ZSCAN20: variants seen among roughly 807,000 people sequenced by gnomAD.
ZSCAN20 encodes the protein zinc finger and SCAN domain-containing protein 20.
ZSCAN20 carries 39 observed loss-of-function variants against 97.1 expected under a neutral mutation model. The ratio of observed to expected loss-of-function variants is 0.40; its 90% CI spans 0.31 to 0.52. The LOEUF (loss-of-function observed/expected upper bound fraction) is 0.52, where lower values mean the gene tolerates loss of function less well. Ranked by LOEUF, ZSCAN20 falls within the 20% of genes least tolerant of loss-of-function variation. The pLI, the probability that ZSCAN20 is intolerant of heterozygous loss-of-function variation, is 0.49. For synonymous variants in ZSCAN20, 456 were observed against 467.3 expected, an observed-to-expected ratio of 0.98 and a Z score of 0.31; for missense variants, 1,115 against 1,290.4, an observed-to-expected ratio of 0.86 and a Z score of 2.08.
At chr1:33,482,853 T>C (rs1028621784) in intron 2 of ZSCAN20, among the ~76,000 whole-genome samples, 1 of 152,258 alleles carries the variant, frequency 6.6e-6, no homozygotes, top group Non-Finnish European at 1.5e-5. Flanking sequence ...ACTTGCCATC[T>C]GTATATTTTC....
Position 33,493,378 on chromosome 1 carries a change from A to G in ZSCAN20, c.1636A>G (p.Ser546Gly). 1.2e-6 allele frequency: 2 copies of G among 1,614,186 alleles called. No individual in the cohort carries two copies. The highest frequency in any genetic ancestry group is 8.5e-7 in the Non-Finnish European group (1 of 1,180,024). Residue 546 changes from serine to glycine, a missense_variant, in exon 7 of 8, where the codon AGC becomes GGC. Coordinates refer to ENST00000684572, the MANE Select transcript of ZSCAN20 (RefSeq NM_001377376.1). This position sits in a 1 kb window ranked among gnomAD's most constrained non-coding sequence, Gnocchi z 4.3. ...CRYRFKNLLR[S>G]YRKAKSSHPP... is the part of the protein sequence containing the mutation. The stretch of plus-strand genomic sequence containing the variant: ...CTACAGATTCAAAAACCTCCTTCGA[A>G]GCTACCGGAAAGCCAAGAGCAGCCA...
chr1:33,475,341 T>G (rs78680268), intron 1 of ZSCAN20, among the ~76,000 whole-genome samples: 2,404 of 152,334 alleles, frequency 0.016, 52 homozygotes, highest in East Asian at 0.073. Context: ...AAAATCACTT[T>G]AGCCAAAAAT....
In ZSCAN20 at chr1:33,493,093, T is replaced by C; in HGVS notation, c.1445-94T>C. The C allele has an allele frequency of 7.8e-7, 1 of 1,280,906 alleles. No individual in the cohort carries two copies. The highest frequency in any genetic ancestry group is 1.1e-6 in the Non-Finnish European group (1 of 912,292). 79.3% of individuals were successfully genotyped at this position (1,280,906 alleles called of 1,614,324 possible). A position where few individuals can be genotyped will look rare whatever the true frequency, so the allele number is the denominator to read the frequency against. ...CTGGATAGTTTCTGACATGCCTATG[T>C]TCTAGGTATTTTGAAGGGCAGGTGA... On this transcript the variant is annotated intron_variant, in intron 6 of 7. Coordinates refer to ENST00000684572, the MANE Select transcript of ZSCAN20 (RefSeq NM_001377376.1). This position sits in a 1 kb window ranked among gnomAD's most constrained non-coding sequence, Gnocchi z 4.3.
chr1:33,474,970 T>C (rs1395538945), intron 1 of ZSCAN20, among the ~76,000 whole-genome samples: 1 of 152,188 alleles, frequency 6.6e-6, no homozygotes, highest in African/African-American at 2.4e-5. Context: ...CTGAGTAAGA[T>C]CAGGCTGTAA....
intron 2 of ZSCAN20, 40 bp downstream of exon 2, chr1:33,479,745 G>A: frequency 6.8e-7 from 1 of 1,461,738 alleles, no homozygotes; most frequent in South Asian, 1.5e-5. Flanking sequence ...AGTGGGTCAG[G>A]CAAGGCAGCA....
At chr1:33,489,850 A>G (rs1219218102) in intron 5 of ZSCAN20, among the ~76,000 whole-genome samples, 1 of 152,100 alleles carries the variant, frequency 6.6e-6, no homozygotes, top group Non-Finnish European at 1.5e-5. Flanking sequence ...ACCTCAGTCC[A>G]TTCACCACAG....
chr1:33,485,491 C>G (rs932151051), intron 2 of ZSCAN20, among the ~76,000 whole-genome samples: 1 of 150,578 alleles, frequency 6.6e-6, no homozygotes, highest in African/African-American at 2.5e-5. Context: ...CTCACTGCAC[C>G]CTCTGCCTCC....
intron 1 of ZSCAN20, among the ~76,000 whole-genome samples, chr1:33,476,410 G>A (rs142831681): frequency 6.6e-6 from 1 of 152,358 alleles, no homozygotes; most frequent in East Asian, 1.9e-4. Flanking sequence ...GGACTTTCAA[G>A]TCTTTCCAGG....
Sources: gnomAD v4.1 joint callset for allele counts (sites outside exome capture counted in the v4.1 genomes callset) on GRCh38, gnomAD v4.1.1 for gene constraint, Gnocchi (gnomAD v3.1) non-coding constraint, MANE v1.5 for transcripts, NCBI Gene and HGNC (gene_info 2026-07-23, HGNC 2026-07-21) for gene names.